The following RUNX1 variants were observed in gnomAD, a reference collection of about 807,000 sequenced individuals.
RUNX1 encodes runt-related transcription factor 1.
A neutral mutation model predicts 42.8 loss-of-function variants in RUNX1; 19 were observed. The ratio of observed to expected loss-of-function variants is 0.44; its 90% CI spans 0.31 to 0.65. RUNX1 has a LOEUF of 0.65. Among genes scored for constraint, RUNX1 ranks in the 30% least tolerant of loss-of-function variants. The pLI, the probability that RUNX1 is intolerant of heterozygous loss-of-function variation, is 0.07. For missense variants in RUNX1, 528 were observed against 672.0 expected (o/e 0.79, Z 2.37); for synonymous variants, 271 against 289.4 (o/e 0.94, Z 0.64).
chr21:34,832,518 A>C (rs888824861), intron 7 of RUNX1, among the ~76,000 whole-genome samples: 15 of 152,224 alleles, frequency 9.9e-5, no homozygotes, highest in African/African-American at 3.6e-4. Flanking sequence ...ATGGCCAGTT[A>C]GGCAACGAGA....
chr21:34,796,626 C>A (rs2056531177), intron 8 of RUNX1, among the ~76,000 whole-genome samples: 1 of 152,194 alleles, frequency 6.6e-6, no homozygotes, highest in Non-Finnish European at 1.5e-5. Context: ...CAGCTCAAGT[C>A]TTCGCTCTCC....
intron 2 of RUNX1, among the ~76,000 whole-genome samples, chr21:35,011,542 T>C (rs571872570): frequency 1.3e-5 from 2 of 152,238 alleles, no homozygotes; most frequent in Admixed American, 6.5e-5. Context: ...GCATTATCCA[T>C]AGGAAACCGA....
intron 2 of RUNX1, among the ~76,000 whole-genome samples, chr21:34,944,489 G>T (rs971789738): frequency 6.6e-6 from 1 of 152,224 alleles, no homozygotes; most frequent in Non-Finnish European, 1.5e-5. Flanking sequence ...ATTTGTGTGG[G>T]TACGAATGCC....
In RUNX1 at chr21:34,792,507, C is replaced by T. The variant is rs1470891103; in HGVS notation, c.1071G>A (p.Pro357=). The change falls in exon 9 of 9, where the codon CCG becomes CCA. Residue 357 remains proline (P), a synonymous_variant. Transcript: ENST00000675419. This position sits in a 1 kb window ranked among gnomAD's most constrained non-coding sequence, Gnocchi z 6.9. ...TGCCGATGCCCGAGGTGACCGGCGT[C>T]GGGGAGTAGGTGAAGGCGCCTGGAT... ...MHYPGAFTYS[P]TPVTSGIGIG... 1.9e-6 allele frequency: 3 copies of T among 1,600,564 alleles called. No homozygotes were observed. Among genetic ancestry groups the T allele is most frequent in the East Asian group, 2.3e-5 (1 of 44,224 alleles).
At chr21:34,956,220 T>A (rs369321329) in intron 2 of RUNX1, among the ~76,000 whole-genome samples, 1 of 152,152 alleles carries the variant, frequency 6.6e-6, no homozygotes, top group Non-Finnish European at 1.5e-5. Context: ...GACAGCGTCA[T>A]GCCCAGCTTT....
At chr21:34,793,314 CATG>C (rs372333425) in intron 8 of RUNX1, among the ~76,000 whole-genome samples, 1 of 151,550 alleles carries the variant, frequency 6.6e-6, no homozygotes, top group African/African-American at 2.4e-5. Context: ...TGTAATATGA[CATG>C]ATATATGAAA....
chr21:34,792,857 G>A lies in RUNX1; in HGVS notation c.968-247C>T, dbSNP rs567661745. Among the ~76,000 whole-genome samples, 1 of 151,640 alleles carries A rather than the reference G, an allele frequency of 6.6e-6. No homozygotes were observed. Among genetic ancestry groups the A allele is most frequent in the Non-Finnish European group, 1.5e-5 (1 of 67,844 alleles). Reference sequence around the variant, plus strand: ...GGATGCCACCTCCTGAGATGACGAGGATCACCCAGCATGTCACCTCCCAAG... The same window carrying A: ...GGATGCCACCTCCTGAGATGACGAGAATCACCCAGCATGTCACCTCCCAAG... On this transcript the variant is annotated intron_variant, in intron 8 of 8. Transcript: ENST00000675419. This position sits in a 1 kb window ranked among gnomAD's most constrained non-coding sequence, Gnocchi z 6.9.
intron 2 of RUNX1, among the ~76,000 whole-genome samples, chr21:34,966,836 G>T (rs2058722281): frequency 6.6e-6 from 1 of 152,080 alleles, no homozygotes; most frequent in Non-Finnish European, 1.5e-5. Context: ...CACTTTTTAT[G>T]GTGATGGAGG....
chr21:34,931,365 T>TATATACATGTATATAATATATACAC (rs1569111075), intron 2 of RUNX1, among the ~76,000 whole-genome samples: 1 of 146,694 alleles, frequency 6.8e-6, no homozygotes, highest in African/African-American at 2.5e-5. Context: ...TGTATATATA[T>TATATACATGTATATAATATATACAC]GTGTATATAT....
At chr21:34,997,688 T>A (rs2059007268) in intron 2 of RUNX1, among the ~76,000 whole-genome samples, 3 of 152,238 alleles carry the variant, frequency 2.0e-5, no homozygotes, top group Admixed American at 2.0e-4. Context: ...TCTTTCTGTG[T>A]GGAGATGCTT....
intron 5 of RUNX1, among the ~76,000 whole-genome samples, chr21:34,869,464 T>C (rs1381329887): frequency 6.6e-6 from 1 of 152,198 alleles, no homozygotes; most frequent in African/African-American, 2.4e-5. Context: ...GTGTTTTCTA[T>C]GTCATCATTA....
intron 2 of RUNX1, among the ~76,000 whole-genome samples, chr21:34,969,007 A>G (rs1180041930): frequency 6.6e-6 from 1 of 152,206 alleles, no homozygotes; most frequent in Non-Finnish European, 1.5e-5. Context: ...ACTGTTGAGC[A>G]GAAAGGTATA....
At chr21:35,025,755 T>C (rs144545748) in intron 2 of RUNX1, among the ~76,000 whole-genome samples, 105 of 151,980 alleles carry the variant, frequency 6.9e-4, no homozygotes, top group African/African-American at 2.4e-3. Context: ...AGATGAGAGG[T>C]GTGCGGAGTG....
chr21:34,929,424 G>A (rs1019768206), intron 2 of RUNX1, among the ~76,000 whole-genome samples: 1 of 152,118 alleles, frequency 6.6e-6, no homozygotes, highest in Non-Finnish European at 1.5e-5. Context: ...CGGTGGGTGA[G>A]GGACAACAGA....
rs541951973 is a variant in RUNX1, at chr21:34,930,031, A to C, written c.59-37068T>G. ...TGAATGACATATGTTTCAAGAATAA[A>C]TTCTTTCTCTCTCTCCATATATATA... On this transcript the variant is annotated intron_variant, in intron 2 of 8. Transcript: ENST00000675419. 4.0e-5 allele frequency among the ~76,000 whole-genome samples: 6 copies of C among 151,418 alleles called. No homozygotes were observed. In the South Asian group the frequency reaches 1.2e-3, roughly 31 times the overall value.
chr21:34,936,112 C>T (rs891930978), intron 2 of RUNX1, among the ~76,000 whole-genome samples: 16 of 148,802 alleles, frequency 1.1e-4, no homozygotes, highest in African/African-American at 4.0e-4. Flanking sequence ...CCCTTTGAAT[C>T]ACAACACATA....
intron 5 of RUNX1, among the ~76,000 whole-genome samples, chr21:34,872,262 A>G (rs951266506): frequency 2.6e-5 from 4 of 152,344 alleles, no homozygotes; most frequent in Admixed American, 2.6e-4. Context: ...AGCCTCTGGC[A>G]GAGGGCTTCC....
rs974100454 is a variant in RUNX1 at position 34,901,485 on chromosome 21, C to A, written c.59-8522G>T. 2.0e-5 allele frequency among the ~76,000 whole-genome samples: 3 copies of A among 152,046 alleles called. No individual in the cohort carries two copies. The highest frequency in any genetic ancestry group is 4.4e-5 in the Non-Finnish European group (3 of 67,994). ...CTGAGATGGCACCACTGCACTCCAA[C>A]CTGGGGGACAGAGCCAGATCCGTCT... On this transcript the variant is annotated intron_variant, in intron 2 of 8. Transcript: ENST00000675419. The surrounding 1 kb of genome is among the most constrained non-coding windows in gnomAD (Gnocchi z 4.3).
In RUNX1 at chr21:34,792,390, G is replaced by C. The variant is rs1417292859; in HGVS notation, c.1188C>G (p.Phe396Leu). The change falls in exon 9 of 9, where the codon TTC (phenylalanine) becomes TTG (leucine). Residue 396 changes from phenylalanine to leucine, a missense_variant. Phe to Leu is a conservative substitution (Grantham distance 22, BLOSUM62 0). This residue lies in a region of RUNX1 where 331 missense variants were observed against 382.5 expected (regional missense o/e 0.87). Transcript: ENST00000675419. The surrounding 1 kb of genome is among the most constrained non-coding windows in gnomAD (Gnocchi z 6.9). ...PGSSQAQGGP[F>L]QASSPSYHLY... ...GGTGGTAGGAGGGCGAGCTGGCTTG[G>C]AACGGGCCTCCCTGCGCTTGCGACG... 5 of 1,566,254 alleles carry C rather than the reference G, an allele frequency of 3.2e-6. No individual in the cohort carries two copies. The highest frequency in any genetic ancestry group is 4.3e-6 in the Non-Finnish European group (5 of 1,155,442).
Sources: gnomAD v4.1 joint callset for allele counts (sites outside exome capture counted in the v4.1 genomes callset) on GRCh38, gnomAD v4.1.1 for gene constraint, gnomAD v4.1.1 regional missense constraint, Gnocchi (gnomAD v3.1) non-coding constraint, MANE v1.5 for transcripts, NCBI Gene and HGNC (gene_info 2026-07-23, HGNC 2026-07-21) for gene names.